The following PHACTR1 variants were observed in gnomAD, a reference collection of about 807,000 sequenced individuals.
PHACTR1 encodes phosphatase and actin regulator 1.
Under a neutral mutation model 69.2 loss-of-function variants are expected in PHACTR1, and 16 were observed. That is an observed-to-expected ratio of 0.23 (90% confidence interval 0.16 to 0.35). The LOEUF is 0.35. Ranked by LOEUF, PHACTR1 falls within the 10% of genes least tolerant of loss-of-function variation. The probability of loss-of-function intolerance (pLI) is 1.00; values close to 1 mark genes in which losing one functional copy is unlikely to be tolerated. For synonymous variants in PHACTR1, 312 were observed against 284.5 expected, an observed-to-expected ratio of 1.10 and a Z score of -0.97; for missense variants, 510 against 734.7, an observed-to-expected ratio of 0.69 and a Z score of 3.54.
chr6:12,840,342 A>G (rs1279093817), intron 4 of PHACTR1, among the ~76,000 whole-genome samples: 2 of 152,220 alleles, frequency 1.3e-5, no homozygotes, highest in African/African-American at 4.8e-5. Flanking sequence ...GGCTTTAGTC[A>G]AGCCATTATC....
chr6:13,223,184 A>C (rs2127289800), intron 8 of PHACTR1, among the ~76,000 whole-genome samples: 1 of 152,366 alleles, frequency 6.6e-6, no homozygotes, highest in East Asian at 1.9e-4. Flanking sequence ...AAAGTAAATA[A>C]TAGTGTAAAT....
intron 4 of PHACTR1, among the ~76,000 whole-genome samples, chr6:13,003,950 C>CATATATATATATATATATATATA: frequency 1.2e-5 from 1 of 81,358 alleles, no homozygotes; most frequent in African/African-American, 6.3e-5. Flanking sequence ...CAGTAGTATT[C>CATATATATATATATATATATATA]CTATATATAT....
intron 5 of PHACTR1, among the ~76,000 whole-genome samples, chr6:13,062,713 C>T (rs1807860806): frequency 6.6e-6 from 1 of 152,172 alleles, no homozygotes; most frequent in Non-Finnish European, 1.5e-5. Flanking sequence ...TGACAGAGTA[C>T]ATTTGCAATT....
intron 8 of PHACTR1, among the ~76,000 whole-genome samples, chr6:13,221,511 T>C (rs1481556173): frequency 2.6e-5 from 4 of 152,206 alleles, no homozygotes; most frequent in Non-Finnish European, 4.4e-5. Context: ...GGCAGTGGTA[T>C]AGTGACATCA....
At chr6:12,977,380 TCACA>T (rs67391969) in intron 4 of PHACTR1, among the ~76,000 whole-genome samples, 39,160 of 148,874 alleles carry the variant, frequency 0.26, 5,384 homozygotes, top group African/African-American at 0.34. Context: ...TCTCTCTCTT[TCACA>T]CACACACACA....
chr6:13,251,950 G>T (rs745953854), intron 10 of PHACTR1, among the ~76,000 whole-genome samples: 37 of 151,706 alleles, frequency 2.4e-4, no homozygotes, highest in Non-Finnish European at 4.1e-4. Flanking sequence ...AGCTACTGGG[G>T]AGGCTGAAGT....
At chr6:13,021,183 T>A (rs1477154694) in intron 4 of PHACTR1, among the ~76,000 whole-genome samples, 1 of 152,106 alleles carries the variant, frequency 6.6e-6, no homozygotes, top group African/African-American at 2.4e-5. Context: ...CTACACCCCA[T>A]CCCCAAATCC....
intron 4 of PHACTR1, among the ~76,000 whole-genome samples, chr6:12,833,887 G>A (rs1243063898): frequency 6.6e-6 from 1 of 151,990 alleles, no homozygotes; most frequent in African/African-American, 2.4e-5. Flanking sequence ...TACCATGCTT[G>A]GGCACTCTGA....
At chr6:12,789,427 G>A (rs1394969481) in intron 4 of PHACTR1, among the ~76,000 whole-genome samples, 1 of 151,948 alleles carries the variant, frequency 6.6e-6, no homozygotes, top group African/African-American at 2.4e-5. Context: ...CAGGTCCGTG[G>A]TTCTCTCATC....
intron 10 of PHACTR1, among the ~76,000 whole-genome samples, chr6:13,270,576 A>G (rs1408298001): frequency 1.2e-4 from 18 of 152,250 alleles, no homozygotes; most frequent in Non-Finnish European, 1.5e-5. Flanking sequence ...GCTCTGTGAT[A>G]GGAACTGGGT....
intron 4 of PHACTR1, among the ~76,000 whole-genome samples, chr6:12,969,783 G>A (rs746798680): frequency 6.6e-6 from 1 of 152,136 alleles, no homozygotes; most frequent in Non-Finnish European, 1.5e-5. Flanking sequence ...CCAACATGGT[G>A]AAACCCCATC....
At chr6:12,934,187 A>G (rs1789191269) in intron 4 of PHACTR1, among the ~76,000 whole-genome samples, 1 of 152,186 alleles carries the variant, frequency 6.6e-6, no homozygotes, top group African/African-American at 2.4e-5. Flanking sequence ...TGACCCCGTC[A>G]TCCCATGGCT....
chr6:12,839,698 AAGAC>A (rs1009345266), intron 4 of PHACTR1, among the ~76,000 whole-genome samples: 20 of 152,354 alleles, frequency 1.3e-4, no homozygotes, highest in Admixed American at 8.5e-4. Flanking sequence ...ATGTACACAC[AAGAC>A]AGTGAGTTCG....
At chr6:13,038,876 G>A (rs1161246945) in intron 4 of PHACTR1, among the ~76,000 whole-genome samples, 1 of 152,146 alleles carries the variant, frequency 6.6e-6, no homozygotes, top group African/African-American at 2.4e-5. Flanking sequence ...TGTCCTCACA[G>A]TGCCTGCCAT....
intron 7 of PHACTR1, among the ~76,000 whole-genome samples, chr6:13,203,973 G>A (rs1177298442): frequency 2.6e-4 from 39 of 152,180 alleles, no homozygotes; most frequent in Admixed American, 2.6e-3. Flanking sequence ...GGTCAACTTT[G>A]TTGAGCATGG....
chr6:12,883,977 T>C (rs535517453), intron 4 of PHACTR1, among the ~76,000 whole-genome samples: 1 of 151,982 alleles, frequency 6.6e-6, no homozygotes, highest in East Asian at 1.9e-4. Flanking sequence ...TGTACCCACA[T>C]ACACACACAT....
At chr6:12,847,325 G>C (rs946811531) in intron 4 of PHACTR1, among the ~76,000 whole-genome samples, 1 of 152,046 alleles carries the variant, frequency 6.6e-6, no homozygotes, top group African/African-American at 2.4e-5. Flanking sequence ...ATAAATAATA[G>C]CCACTCACTA....
chr6:13,180,604 C>T (rs1762056701), intron 6 of PHACTR1, among the ~76,000 whole-genome samples: 2 of 152,204 alleles, frequency 1.3e-5, no homozygotes, highest in Admixed American at 1.3e-4. Flanking sequence ...ACCTCCGTCC[C>T]CTCTGGTTGT....
intron 3 of PHACTR1, among the ~76,000 whole-genome samples, chr6:12,731,721 T>C (rs185804730): frequency 6.6e-6 from 1 of 152,324 alleles, no homozygotes; most frequent in East Asian, 1.9e-4. Flanking sequence ...AGGTCACAGC[T>C]ACTAGTAATG....
Sources: allele counts gnomAD v4.1 joint callset (sites outside exome capture counted in the v4.1 genomes callset), GRCh38; gene constraint gnomAD v4.1.1; transcripts MANE v1.5; gene names NCBI Gene and HGNC (gene_info 2026-07-23, HGNC 2026-07-21).